SOS1: variants seen among roughly 807,000 people sequenced by gnomAD.
SOS1 encodes the protein SOS Ras/Rac guanine nucleotide exchange factor 1.
In SOS1, 25 loss-of-function variants were observed where a neutral mutation model predicts 157.6. That is an observed-to-expected ratio of 0.16 (90% CI 0.12 to 0.22). SOS1 has a LOEUF of 0.22. SOS1 is among the 10% of genes least tolerant of loss of function. SOS1 has a pLI of 1.00. For synonymous variants in SOS1, 528 were observed against 534.0 expected (o/e 0.99, Z 0.16); for missense variants, 1,237 against 1,599.1 (o/e 0.77, Z 3.86).
chr2:39,110,039 C>CGTGTGT (rs779110307), intron 1 of SOS1, among the ~76,000 whole-genome samples: 2,889 of 135,452 alleles, frequency 0.021, 56 homozygotes, highest in East Asian at 0.033. Flanking sequence ...TGTGTGTGTG[C>CGTGTGT]GTGTGTGTGT....
intron 1 of SOS1, among the ~76,000 whole-genome samples, chr2:39,115,945 T>C (rs961488743): frequency 5.3e-5 from 8 of 152,192 alleles, no homozygotes; most frequent in Non-Finnish European, 1.0e-4. Flanking sequence ...CTTCATCAGA[T>C]ACCAACAACC....
At chr2:39,117,778 G>T (rs533244262) in intron 1 of SOS1, among the ~76,000 whole-genome samples, 7 of 152,186 alleles carry the variant, frequency 4.6e-5, no homozygotes, top group African/African-American at 1.7e-4. Context: ...GAATAGACTA[G>T]AAGAACATGT....
At chr2:39,068,950 T>C (rs1213169028) in intron 1 of SOS1, among the ~76,000 whole-genome samples, 2 of 152,084 alleles carry the variant, frequency 1.3e-5, no homozygotes, top group African/African-American at 2.4e-5. Context: ...TGGATGAAAG[T>C]GCACAGTACT....
Position 39,074,896 on chromosome 2 carries a change from C to T in SOS1, c.88-7143G>A, listed in dbSNP as rs191618467. ...AGGAAAAAAAAAAAAAAAAAAGGCA[C>T]AGAGACTAAGAACAAAATGATGTGT... On this transcript the variant is annotated intron_variant, in intron 1 of 22. Transcript: ENST00000402219. Among the ~76,000 whole-genome samples the T allele has an allele frequency of 1.4e-3, 201 of 144,956 alleles. 1 individual carries two copies. The highest frequency in any genetic ancestry group is 4.7e-3 in the African/African-American group (184 of 39,498).
intron 6 of SOS1, among the ~76,000 whole-genome samples, chr2:39,047,440 G>A (rs920452369): frequency 6.6e-5 from 10 of 152,032 alleles, no homozygotes; most frequent in African/African-American, 2.2e-4. Context: ...TACACCAAAC[G>A]GTTTTCCAAA....
At chr2:39,100,578 A>C (rs193074908) in intron 1 of SOS1, among the ~76,000 whole-genome samples, 35 of 152,332 alleles carry the variant, frequency 2.3e-4, no homozygotes, top group Admixed American at 2.2e-3. Flanking sequence ...AATACTGATG[A>C]CATCGCTTAT....
chr2:39,058,676 T>C lies in SOS1; in HGVS notation c.342A>G (p.Leu114=), dbSNP rs756743555. The C allele has an allele frequency of 3.7e-6, 6 of 1,612,658 alleles. No homozygotes were observed. Among genetic ancestry groups the C allele is most frequent in the Non-Finnish European group, 5.1e-6 (6 of 1,179,072 alleles). ...SLPVEKIHPL[L]KEVLGYKIDH... ...GAAGGCAGTAGTTCAGCATTACCTTTAATAAAGGATGAATTTTTTCTACTG... is the reference window on the plus strand; with the variant it reads ...GAAGGCAGTAGTTCAGCATTACCTTCAATAAAGGATGAATTTTTTCTACTG... The change falls in exon 3 of 23, where the codon TTA becomes TTG. Residue 114 remains leucine, a synonymous_variant. Coordinates refer to ENST00000402219, the MANE Select transcript of SOS1 (RefSeq NM_005633.4).
chr2:39,043,220 G>A (rs1386938528), intron 6 of SOS1, among the ~76,000 whole-genome samples: 2 of 152,128 alleles, frequency 1.3e-5, no homozygotes, highest in African/African-American at 4.8e-5. Context: ...TTAATTTTAA[G>A]AAAGCCTTTT....
chr2:39,089,069 T>A (rs1012875845), intron 1 of SOS1, among the ~76,000 whole-genome samples: 3 of 152,228 alleles, frequency 2.0e-5, no homozygotes, highest in Non-Finnish European at 4.4e-5. Context: ...TCGCTAATGA[T>A]GAGTGTGCCT....
chr2:39,116,500 C>T (rs751036380), intron 1 of SOS1, among the ~76,000 whole-genome samples: 1 of 152,220 alleles, frequency 6.6e-6, no homozygotes, highest in Non-Finnish European at 1.5e-5. Context: ...CTTTACGTCT[C>T]ATTCTTCTCC....
At position 39,120,694 on chromosome 2, in the gene SOS1, C is replaced by T. The variant is rs1470824092; in HGVS notation, c.-272G>A. Among the ~76,000 whole-genome samples the T allele has an allele frequency of 1.4e-5, 2 of 146,802 alleles. No homozygotes were observed. The highest frequency in any genetic ancestry group is 3.9e-4 in the East Asian group (2 of 5,108). On this transcript the variant is annotated 5_prime_UTR_variant, in exon 1 of 23. Coordinates refer to ENST00000402219, the MANE Select transcript of SOS1 (RefSeq NM_005633.4). ...GCACCACCGCCCCGGGGCCAGGCCC[C>T]CCGCCCCTCCCCGGCCCGCCGGCGC... is the stretch of plus-strand genomic sequence containing the variant.
At chr2:39,002,627 A>T (rs1669140947) in intron 17 of SOS1, among the ~76,000 whole-genome samples, 1 of 152,222 alleles carries the variant, frequency 6.6e-6, no homozygotes. Flanking sequence ...ATACGTTGAC[A>T]GATTGAATGA....
At chr2:39,064,686 A>G (rs1671530962) in intron 2 of SOS1, among the ~76,000 whole-genome samples, 1 of 151,594 alleles carries the variant, frequency 6.6e-6, no homozygotes, top group African/African-American at 2.4e-5. Context: ...TATTCTTCAG[A>G]AAGATTTTTA....
chr2:39,023,362 A>G lies in SOS1; in HGVS notation c.1203-137T>C, dbSNP rs1669857777. 6.6e-6 allele frequency: 4 copies of G among 602,280 alleles called. No homozygotes were observed. The South Asian group carries it at 1.2e-4, about 18-fold the overall frequency. The allele number at this position is 602,280 out of a possible 1,614,324, so 37.3% of individuals were successfully genotyped here. On this transcript the variant is annotated intron_variant, in intron 9 of 22. Transcript: ENST00000402219. ...TCACTAATTCCCCAAATAGATTAGAATTACAAAATTACACAATTTTGAAAA... is the reference window on the plus strand; with the variant it reads ...TCACTAATTCCCCAAATAGATTAGAGTTACAAAATTACACAATTTTGAAAA...
At chr2:39,057,298 C>T (rs182365692) in intron 3 of SOS1, among the ~76,000 whole-genome samples, 69 of 152,136 alleles carry the variant, frequency 4.5e-4, no homozygotes, top group Non-Finnish European at 9.6e-4. Flanking sequence ...TTAACTTTTC[C>T]AAGGGAAGAT....
At chr2:39,062,147 G>T (rs904478769) in intron 2 of SOS1, among the ~76,000 whole-genome samples, 3 of 152,072 alleles carry the variant, frequency 2.0e-5, no homozygotes, top group Non-Finnish European at 4.4e-5. Context: ...GCTGGGCGTG[G>T]TGGCTCATGC....
At chr2:39,056,906 C>G (rs773319621) in intron 3 of SOS1, 40 bp from the exon 4 acceptor site, 1 of 1,370,856 alleles carries the variant, frequency 7.3e-7, no homozygotes, top group Admixed American at 1.7e-5. Context: ...ACATCATATA[C>G]TGTACATTTA....
chr2:39,066,541 T>A (rs1030884006), intron 2 of SOS1, among the ~76,000 whole-genome samples: 3 of 152,250 alleles, frequency 2.0e-5, no homozygotes, highest in Non-Finnish European at 4.4e-5. Flanking sequence ...ATCTTTTTCT[T>A]GGAAGCTATC....
chr2:39,077,686 A>C (rs1365072074), intron 1 of SOS1, among the ~76,000 whole-genome samples: 2 of 152,216 alleles, frequency 1.3e-5, no homozygotes, highest in African/African-American at 2.4e-5. Flanking sequence ...CTTGTATGAA[A>C]ATAATATAAA....
Sources: gnomAD v4.1 joint callset for allele counts (sites outside exome capture counted in the v4.1 genomes callset) on GRCh38, gnomAD v4.1.1 for gene constraint, MANE v1.5 for transcripts, NCBI Gene and HGNC (gene_info 2026-07-23, HGNC 2026-07-21) for gene names.